Variants in LIPA observed in about 807,000 individuals in gnomAD.
LIPA encodes lipase A, lysosomal acid type.
Under a neutral mutation model 40.6 loss-of-function variants are expected in LIPA, and 26 were observed. The observed-to-expected ratio is 0.64, with a 90% CI of 0.47 to 0.89. The LOEUF (loss-of-function observed/expected upper bound fraction) is 0.89. LIPA is among the 40% of genes least tolerant of loss of function. The probability of loss-of-function intolerance (pLI) is 0.00; values close to 1 mark genes in which losing one functional copy is unlikely to be tolerated. For synonymous variants in LIPA, 188 were observed against 168.4 expected (o/e 1.12, Z -0.90); for missense variants, 455 against 479.6 (o/e 0.95, Z 0.48).
chr10:89,345,670 G>T (rs139285226), upstream of LIPA, among the ~76,000 whole-genome samples: 49 of 152,102 alleles, frequency 3.2e-4, no homozygotes, highest in Admixed American at 5.2e-4. Flanking sequence ...GAAACTCAAA[G>T]GATTTGTTGA....
At chr10:89,263,810 G>C (rs977522637) in intron 1 of LIPA, among the ~76,000 whole-genome samples, 4 of 152,168 alleles carry the variant, frequency 2.6e-5, no homozygotes, top group Non-Finnish European at 5.9e-5. Flanking sequence ...CAGGTGTAGA[G>C]TGGTGAGAGG....
In LIPA at chr10:89,250,139, C is replaced by A. The variant is rs558739751; in HGVS notation, c.-2+1598G>T. Among the ~76,000 whole-genome samples the A allele has an allele frequency of 2.8e-4, 32 of 112,812 alleles. No individual in the cohort carries two copies. In the East Asian group the frequency reaches 6.9e-3, roughly 24 times the overall value. The allele number at this position is 112,812 out of a possible 152,430, so 74.0% of individuals were successfully genotyped here. ...TTTTTTGAGACAGTCTTGCTCTGTC[C>A]CCCAGGCTGGAGTACAGTGGCGAGA... On this transcript the variant is annotated intron_variant, in intron 1 of 9. Transcript: ENST00000336233.
intron 1 of LIPA, chr10:89,284,922 C>G (rs1372304526): frequency 1.3e-5 from 2 of 152,296 alleles, no homozygotes; most frequent in Admixed American, 6.5e-5. Context: ...TTGTGCCCCC[C>G]ACCCCTGCCA....
intron 2 of LIPA, 85 bp from the exon 3 acceptor site, chr10:89,245,878 A>G (rs1268635129): frequency 2.5e-5 from 20 of 800,242 alleles, no homozygotes; most frequent in Non-Finnish European, 4.3e-5. Flanking sequence ...CAGATAAACT[A>G]TGTTCTCCAG....
intron 1 of LIPA, among the ~76,000 whole-genome samples, chr10:89,314,267 G>A (rs558466153): frequency 3.9e-5 from 6 of 152,280 alleles, no homozygotes; most frequent in South Asian, 2.1e-4. Context: ...ATACTCATAC[G>A]CAGGAACCTT....
At chr10:89,272,645 G>A (rs948776505) in intron 1 of LIPA, among the ~76,000 whole-genome samples, 1 of 152,130 alleles carries the variant, frequency 6.6e-6, no homozygotes, top group South Asian at 2.1e-4. Context: ...TGGTATTTCT[G>A]CCTTTAGGTC....
intron 1 of LIPA, among the ~76,000 whole-genome samples, chr10:89,294,222 G>A (rs1410426944): frequency 2.0e-5 from 3 of 152,350 alleles, no homozygotes; most frequent in Non-Finnish European, 2.9e-5. Context: ...CTCAAAGACT[G>A]CCCAACTGCA....
chr10:89,298,762 G>T (rs1227057635), intron 1 of LIPA, among the ~76,000 whole-genome samples: 1 of 152,092 alleles, frequency 6.6e-6, no homozygotes, highest in Non-Finnish European at 1.5e-5. Flanking sequence ...AAGGAGGGTG[G>T]ATCACCTGAG....
rs150634537 is a variant in LIPA at position 89,236,347 on chromosome 10, T to A, written c.230-7949A>T. 5.3e-5 allele frequency among the ~76,000 whole-genome samples: 8 copies of A among 151,054 alleles called. No individual in the cohort carries two copies. The East Asian group carries it at 1.5e-3, about 29-fold the overall frequency. ...CCTCCTGTTGCTCAAGTATTGTAAA[T>A]ATCTGCTTAAATTTCTCATGACACT... On this transcript the variant is annotated intron_variant, in intron 3 of 9. Transcript: ENST00000336233.
chr10:89,227,379 T>C (rs1842783257), intron 4 of LIPA, among the ~76,000 whole-genome samples: 1 of 152,260 alleles, frequency 6.6e-6, no homozygotes, highest in Non-Finnish European at 1.5e-5. Context: ...CATTCACTGC[T>C]GACATGCATT....
chr10:89,274,882 G>A (rs1431675353), intron 1 of LIPA, among the ~76,000 whole-genome samples: 1 of 152,160 alleles, frequency 6.6e-6, no homozygotes, highest in African/African-American at 2.4e-5. Context: ...TATTAGAAGA[G>A]GCTTCTGGTG....
intron 2 of LIPA, among the ~76,000 whole-genome samples, chr10:89,354,988 A>G (rs1415202005): frequency 6.6e-6 from 1 of 152,208 alleles, no homozygotes; most frequent in African/African-American, 2.4e-5. Context: ...GGATGGGGCC[A>G]CAGGAGGAGG....
chr10:89,272,804 T>C (rs1280451412), intron 1 of LIPA, among the ~76,000 whole-genome samples: 1 of 152,258 alleles, frequency 6.6e-6, no homozygotes, highest in African/African-American at 2.4e-5. Context: ...TGGCGTGAGA[T>C]GATATTTCAT....
intron 2 of LIPA, among the ~76,000 whole-genome samples, chr10:89,350,420 C>T (rs886922308): frequency 6.6e-6 from 1 of 152,084 alleles, no homozygotes; most frequent in Non-Finnish European, 1.5e-5. Flanking sequence ...ATTCTCCTGC[C>T]TCAGCCTCCC....
chr10:89,234,752 A>G (rs1842884031), intron 3 of LIPA, among the ~76,000 whole-genome samples: 1 of 152,242 alleles, frequency 6.6e-6, no homozygotes, highest in African/African-American at 2.4e-5. Flanking sequence ...ATTGCTGTTC[A>G]CATCTTCCAG....
At chr10:89,412,625 C>T (rs1841482060) in intron 2 of LIPA, 2 of 256,390 alleles carry the variant, frequency 7.8e-6, no homozygotes, top group South Asian at 3.1e-5. Flanking sequence ...CCTTTATGAG[C>T]TGTAACACTC....
At chr10:89,392,041 C>G (rs1247141993) in intron 2 of LIPA, among the ~76,000 whole-genome samples, 3 of 152,058 alleles carry the variant, frequency 2.0e-5, no homozygotes, top group South Asian at 2.1e-4. Flanking sequence ...CTTGCTTTTA[C>G]CTCCTGCCTA....
At chr10:89,346,843 A>G (rs1218443596), upstream of LIPA, among the ~76,000 whole-genome samples, 1 of 152,220 alleles carries the variant, frequency 6.6e-6, no homozygotes, top group Non-Finnish European at 1.5e-5. Flanking sequence ...GGGGACAGCT[A>G]TTGTGTGGAA....
intron 3 of LIPA, among the ~76,000 whole-genome samples, chr10:89,234,356 C>T (rs893377602): frequency 2.6e-5 from 4 of 152,134 alleles, no homozygotes; most frequent in African/African-American, 9.7e-5. Context: ...CCAGGCTGGG[C>T]CAGTTTCCTT....
Sources: allele counts gnomAD v4.1 joint callset (sites outside exome capture counted in the v4.1 genomes callset), GRCh38; gene constraint gnomAD v4.1.1; transcripts MANE v1.5; gene names NCBI Gene and HGNC (gene_info 2026-07-23, HGNC 2026-07-21).